The following MAGI2 variants were observed in gnomAD, a reference collection of about 807,000 sequenced individuals.
MAGI2 encodes the protein membrane associated guanylate kinase, WW and PDZ domain containing 2, also known as membrane-associated guanylate kinase, WW and PDZ domain-containing protein 2.
MAGI2 carries 35 observed loss-of-function variants against 133.3 expected under a neutral mutation model. That is an observed-to-expected ratio of 0.26 (90% CI 0.20 to 0.35). The LOEUF is 0.35. Among genes scored for constraint, MAGI2 ranks in the 10% least tolerant of loss-of-function variants. The probability of loss-of-function intolerance (pLI) is 1.00; values close to 1 mark genes in which losing one functional copy is unlikely to be tolerated. For missense variants in MAGI2, 1,636 were observed against 1,863.4 expected, an observed-to-expected ratio of 0.88 and a Z score of 2.25; for synonymous variants, 729 against 710.6, an observed-to-expected ratio of 1.03 and a Z score of -0.41.
chr7:78,522,779 T>C (rs1796617308), intron 3 of MAGI2, among the ~76,000 whole-genome samples: 1 of 152,202 alleles, frequency 6.6e-6, no homozygotes, highest in East Asian at 1.9e-4. Context: ...AAATCAATCT[T>C]ATAGCACCAA....
intron 6 of MAGI2, among the ~76,000 whole-genome samples, chr7:78,454,920 G>T (rs1466832978): frequency 6.6e-6 from 1 of 152,140 alleles, no homozygotes; most frequent in Non-Finnish European, 1.5e-5. Flanking sequence ...GAGAAGGGAT[G>T]AACGGGTGGA....
chr7:78,725,745 G>A (rs1481202849), intron 2 of MAGI2, among the ~76,000 whole-genome samples: 2 of 152,210 alleles, frequency 1.3e-5, no homozygotes, highest in African/African-American at 4.8e-5. Context: ...CTTGCAGTGA[G>A]CCGAGATTGC....
At chr7:78,787,224 G>A (rs1022708690) in intron 2 of MAGI2, among the ~76,000 whole-genome samples, 1 of 152,158 alleles carries the variant, frequency 6.6e-6, no homozygotes, top group Admixed American at 6.5e-5. Flanking sequence ...GGGATTACAG[G>A]CGTGAGCCAT....
At chr7:78,202,259 G>A (rs1037742084) in intron 10 of MAGI2, among the ~76,000 whole-genome samples, 1 of 152,110 alleles carries the variant, frequency 6.6e-6, no homozygotes, top group Non-Finnish European at 1.5e-5. Flanking sequence ...ATTTCCATTT[G>A]TAGGAAATAT....
chr7:79,149,931 C>T (rs1460305806), intron 1 of MAGI2, among the ~76,000 whole-genome samples: 1 of 152,118 alleles, frequency 6.6e-6, no homozygotes, highest in African/African-American at 2.4e-5. Flanking sequence ...ACATTCTTTT[C>T]CTATCAATAT....
chr7:78,218,414 T>C (rs1788473794), intron 10 of MAGI2, among the ~76,000 whole-genome samples: 1 of 152,260 alleles, frequency 6.6e-6, no homozygotes, highest in African/African-American at 2.4e-5. Context: ...AATAACACCA[T>C]GTTTTATTTT....
At chr7:78,411,600 C>T (rs1170818368) in intron 6 of MAGI2, among the ~76,000 whole-genome samples, 2 of 151,978 alleles carry the variant, frequency 1.3e-5, no homozygotes. Flanking sequence ...TAAGCATTCT[C>T]AGACGAAAGT....
chr7:78,847,911 T>A (rs2151475522), intron 2 of MAGI2, among the ~76,000 whole-genome samples: 1 of 152,148 alleles, frequency 6.6e-6, no homozygotes, highest in East Asian at 1.9e-4. Flanking sequence ...GTATCTGGCA[T>A]ATGGTAAGTA....
At chr7:78,688,696 T>C (rs369486828) in intron 2 of MAGI2, among the ~76,000 whole-genome samples, 1 of 152,142 alleles carries the variant, frequency 6.6e-6, no homozygotes, top group Admixed American at 6.6e-5. Context: ...ACTGGCTCCT[T>C]TGAAGTGAGA....
At chr7:79,322,326 C>T (rs1328339688) in intron 1 of MAGI2, among the ~76,000 whole-genome samples, 1 of 152,086 alleles carries the variant, frequency 6.6e-6, no homozygotes, top group Admixed American at 6.6e-5. Context: ...TCCTGAAGTG[C>T]CACTAGTCAC....
Position 78,686,633 on chromosome 7 carries a change from G to A in MAGI2, c.419-59394C>T, listed in dbSNP as rs187884487. ...GTATCTGAAGACCAGGTGTATTTAT[G>A]TCTCTTTAGCCATCATAATGTGATC... is the stretch of plus-strand genomic sequence containing the variant. On this transcript the variant is annotated intron_variant, in intron 2 of 21. Coordinates refer to ENST00000354212, the MANE Select transcript of MAGI2 (RefSeq NM_012301.4). Among the ~76,000 whole-genome samples the A allele has an allele frequency of 1.1e-4, 17 of 150,720 alleles. No individual in the cohort carries two copies. The East Asian group carries it at 3.4e-3, about 30-fold the overall frequency.
At chr7:78,387,728 A>G (rs566674588) in intron 6 of MAGI2, among the ~76,000 whole-genome samples, 10 of 152,184 alleles carry the variant, frequency 6.6e-5, no homozygotes, top group African/African-American at 2.4e-4. Flanking sequence ...GGAGTTTGAG[A>G]CCAGCCTAGG....
intron 6 of MAGI2, among the ~76,000 whole-genome samples, chr7:78,424,573 T>G (rs1322369136): frequency 6.6e-6 from 1 of 152,090 alleles, no homozygotes; most frequent in Admixed American, 6.6e-5. Context: ...CTGGAAAAGT[T>G]GCAGACACTC....
chr7:78,175,195 C>T (rs1826475774), intron 14 of MAGI2, among the ~76,000 whole-genome samples: 1 of 152,152 alleles, frequency 6.6e-6, no homozygotes, highest in South Asian at 2.1e-4. Context: ...ATTTTTTCCC[C>T]TTCTTCTCTT....
At chr7:78,512,890 T>G (rs935338120) in intron 4 of MAGI2, among the ~76,000 whole-genome samples, 1 of 152,104 alleles carries the variant, frequency 6.6e-6, no homozygotes, top group Non-Finnish European at 1.5e-5. Context: ...AGGAAAACAT[T>G]TCCTAAAACT....
At chr7:79,258,409 T>C (rs1729042401) in intron 1 of MAGI2, among the ~76,000 whole-genome samples, 1 of 152,140 alleles carries the variant, frequency 6.6e-6, no homozygotes, top group African/African-American at 2.4e-5. Flanking sequence ...ACTCCCAATA[T>C]CTCAAACCAA....
At chr7:78,467,607 T>C (rs1229281287) in intron 6 of MAGI2, among the ~76,000 whole-genome samples, 4 of 151,598 alleles carry the variant, frequency 2.6e-5, no homozygotes, top group African/African-American at 4.8e-5. Context: ...AGAGTTGAAT[T>C]TGTCAATATA....
At chr7:79,145,781 T>A (rs1822560074) in intron 1 of MAGI2, among the ~76,000 whole-genome samples, 1 of 152,190 alleles carries the variant, frequency 6.6e-6, no homozygotes, top group Non-Finnish European at 1.5e-5. Flanking sequence ...GCACATTTGT[T>A]TTCTCTAACC....
intron 2 of MAGI2, among the ~76,000 whole-genome samples, chr7:78,988,288 T>C (rs7799789): frequency 0.022 from 3,316 of 152,182 alleles, 81 homozygotes; most frequent in African/African-American, 0.07. Flanking sequence ...GAGGTCTACA[T>C]TGAGGTCTAT....
Sources: gnomAD v4.1 joint callset for allele counts (sites outside exome capture counted in the v4.1 genomes callset) on GRCh38, gnomAD v4.1.1 for gene constraint, MANE v1.5 for transcripts, NCBI Gene and HGNC (gene_info 2026-07-23, HGNC 2026-07-21) for gene names.